KLHL26: variants seen among roughly 807,000 people sequenced by gnomAD.
KLHL26 encodes the protein kelch-like protein 26.
In KLHL26, 4 loss-of-function variants were observed where a neutral mutation model predicts 7.1. The ratio of observed to expected loss-of-function variants is 0.56; its 90% CI spans 0.28 to 1.28. The LOEUF (loss-of-function observed/expected upper bound fraction) is 1.28, where lower values mean the gene tolerates loss of function less well. Among genes scored for constraint, KLHL26 ranks in the 50% most tolerant of loss-of-function variants. The pLI is 0.11. For synonymous variants in KLHL26, 465 were observed against 414.1 expected (o/e 1.12, Z -1.49); for missense variants, 896 against 924.6 (o/e 0.97, Z 0.40).
chr19:18,640,664 G>A (rs1976698235), intron 1 of KLHL26, among the ~76,000 whole-genome samples: 1 of 145,184 alleles, frequency 6.9e-6, no homozygotes, highest in African/African-American at 2.6e-5. Flanking sequence ...TCAGCCTCCT[G>A]AGTAGCTGGG....
In KLHL26 at chr19:18,667,974, C is replaced by G. The variant is rs746898062; in HGVS notation, c.577C>G (p.Leu193Val). The G allele has an allele frequency of 3.7e-6, 6 of 1,608,676 alleles. No homozygotes were observed. The South Asian group carries it at 6.6e-5, about 18-fold the overall frequency. ...SVDAFTFRHFLQIAEEEDFLR... is the reference protein window; with the variant it reads ...SVDAFTFRHFVQIAEEEDFLR... Reference sequence around the variant, plus strand: ...GGATGCCTTCACCTTCCGGCACTTCCTGCAGATCGCCGAGGAGGAGGATTT... The same window carrying G: ...GGATGCCTTCACCTTCCGGCACTTCGTGCAGATCGCCGAGGAGGAGGATTT... The change falls in exon 3 of 3, where the codon CTG becomes GTG. Residue 193 changes from leucine (L) to valine (V), a missense_variant. Coordinates refer to ENST00000300976, the MANE Select transcript of KLHL26 (RefSeq NM_018316.3).
rs1286331224 is a variant in KLHL26, at chr19:18,664,742, C to T, written c.266+299C>T. On this transcript the variant is annotated intron_variant, in intron 2 of 2. Coordinates refer to ENST00000300976, the MANE Select transcript of KLHL26 (RefSeq NM_018316.3). ...GAGTACAGGCACCCGCCACCATGCC[C>T]AGCTAATTTTTTTTGTATTTTTTAG... Among the ~76,000 whole-genome samples, 11 of 151,670 alleles carry T rather than the reference C, an allele frequency of 7.3e-5. No individual in the cohort carries two copies. The East Asian group carries it at 2.2e-3, about 30-fold the overall frequency.
At position 18,669,302 on chromosome 19, in the gene KLHL26, G is replaced by A; in HGVS notation, c.*57G>A. On this transcript the variant is annotated 3_prime_UTR_variant, in exon 3 of 3. Transcript: ENST00000300976. ...GCATGTTGTCTCCAAGTGGGGCTTG[G>A]CGAATGCACGTCTGCCTGAGAACCC... 1.4e-6 allele frequency: 2 copies of A among 1,398,804 alleles called. No homozygotes were observed. Among genetic ancestry groups the A allele is most frequent in the Non-Finnish European group, 2.0e-6 (2 of 1,013,246 alleles). The allele number at this position is 1,398,804 out of a possible 1,614,324, so 86.6% of individuals were successfully genotyped here.
rs975693473 is a variant in KLHL26 at position 18,646,139 on chromosome 19, AT to A, written c.83+9010del. Among the ~76,000 whole-genome samples, 1 of 151,010 alleles carries A rather than the reference AT, an allele frequency of 6.6e-6. No homozygotes were observed. The highest frequency in any genetic ancestry group is 2.4e-5 in the African/African-American group (1 of 41,082). Reference sequence around the variant, plus strand: ...GCCCCTTTCTTTTTTATTATTATTAATTTTTTTTGACGTCACTCTGAGCTCA... The same window carrying A: ...GCCCCTTTCTTTTTTATTATTATTAATTTTTTTGACGTCACTCTGAGCTCA... On this transcript the variant is annotated intron_variant, in intron 1 of 2. Transcript: ENST00000300976. The surrounding 1 kb of genome is among the most constrained non-coding windows in gnomAD (Gnocchi z 5.0).
intron 1 of KLHL26, among the ~76,000 whole-genome samples, chr19:18,658,406 C>T (rs903426655): frequency 2.0e-5 from 3 of 151,952 alleles, no homozygotes; most frequent in African/African-American, 7.3e-5. Context: ...CTGTCACCCC[C>T]ACCCCTGCCA....
Position 18,668,173 on chromosome 19 carries a change from C to G in KLHL26, c.776C>G (p.Ser259Cys), listed in dbSNP as rs2052475429. Residue 259 changes from serine (S) to cysteine (C), a missense_variant, in exon 3 of 3, where the codon TCC becomes TGC. Transcript: ENST00000300976. ...CHIRFPLMQS[S>C]ELVDSVQTLD... ...ATTCGCTTCCCGCTCATGCAGTCGT[C>G]CGAGCTGGTGGACAGCGTGCAGACG... The G allele has an allele frequency of 1.2e-6, 2 of 1,610,168 alleles. No individual in the cohort carries two copies. The highest frequency in any genetic ancestry group is 2.7e-5 in the African/African-American group (2 of 75,040).
chr19:18,639,330 C>T (rs542472438), intron 1 of KLHL26, among the ~76,000 whole-genome samples: 24 of 151,890 alleles, frequency 1.6e-4, no homozygotes, highest in Admixed American at 1.4e-3. Context: ...CCCGCCTCGG[C>T]CTCCCAAAGT....
In KLHL26 at chr19:18,638,319, G is replaced by A. The variant is rs569117461; in HGVS notation, c.83+1182G>A. ...TTGGTACTGAATGGAACACGCATGG[G>A]ATGGGTGGGGAAGGGAGGAGGGATG... On this transcript the variant is annotated intron_variant, in intron 1 of 2. Coordinates refer to ENST00000300976, the MANE Select transcript of KLHL26 (RefSeq NM_018316.3). 1.1e-4 allele frequency among the ~76,000 whole-genome samples: 17 copies of A among 152,342 alleles called. No homozygotes were observed. In the South Asian group the frequency reaches 2.3e-3, roughly 20 times the overall value.
At chr19:18,654,985 T>G (rs1195443399) in intron 1 of KLHL26, among the ~76,000 whole-genome samples, 5 of 152,232 alleles carry the variant, frequency 3.3e-5, no homozygotes, top group Admixed American at 2.0e-4. Context: ...CTGCTCGGCT[T>G]CCATGGGGTT....
intron 1 of KLHL26, among the ~76,000 whole-genome samples, chr19:18,654,069 AG>A: frequency 8.8e-6 from 1 of 113,118 alleles, no homozygotes; most frequent in East Asian, 2.8e-4. Context: ...CCACCCATCC[AG>A]CCATCCACCC....
chr19:18,664,109 C>T (rs886939743), intron 1 of KLHL26, 152 bp from the exon 2 acceptor site: 80 of 508,668 alleles, frequency 1.6e-4, no homozygotes, highest in Non-Finnish European at 2.5e-5. Flanking sequence ...CTTCCTGTCT[C>T]TGCGGATTTG....
chr19:18,668,273 C>G lies in KLHL26; in HGVS notation c.876C>G (p.Phe292Leu), dbSNP rs772097133. ...CCTTCAACTACCAGGTGCTGCCCTT[C>G]CGGCAGCACGAGATGCAGTCTCCGC... ...LEAFNYQVLPFRQHEMQSPRT... is the reference protein window; with the variant it reads ...LEAFNYQVLPLRQHEMQSPRT... Residue 292 changes from phenylalanine (F) to leucine (L), a missense_variant, in exon 3 of 3, where the codon TTC (phenylalanine) becomes TTG (leucine). Coordinates refer to ENST00000300976, the MANE Select transcript of KLHL26 (RefSeq NM_018316.3). 7.4e-6 allele frequency: 12 copies of G among 1,611,984 alleles called. No homozygotes were observed. Among genetic ancestry groups the G allele is most frequent in the Admixed American group, 5.0e-5 (3 of 60,028 alleles).
rs558817307 is a variant in KLHL26 at position 18,650,473 on chromosome 19, G to A, written c.83+13336G>A. Among the ~76,000 whole-genome samples the A allele has an allele frequency of 1.4e-4, 21 of 152,306 alleles. No homozygotes were observed. The highest frequency in any genetic ancestry group is 9.8e-4 in the Admixed American group (15 of 15,300). ...TCCAGGACTGAAGTTCGAGTTGGAA[G>A]CACGCGTTCTCCTTGGTGAAGTCCG... is the stretch of plus-strand genomic sequence containing the variant. On this transcript the variant is annotated intron_variant, in intron 1 of 2. Transcript: ENST00000300976. The surrounding 1 kb of genome is among the most constrained non-coding windows in gnomAD (Gnocchi z 4.2).
chr19:18,656,834 A>G lies in KLHL26; in HGVS notation c.84-7427A>G, dbSNP rs945118045. On this transcript the variant is annotated intron_variant, in intron 1 of 2. Coordinates refer to ENST00000300976, the MANE Select transcript of KLHL26 (RefSeq NM_018316.3). The surrounding 1 kb of genome is among the most constrained non-coding windows in gnomAD (Gnocchi z 4.4). Reference sequence around the variant, plus strand: ...GCGGGAGTGGCGGGTTCCTGTTTGAAATGATTCGTGAAGATGTTGGAGAAA... The same window carrying G: ...GCGGGAGTGGCGGGTTCCTGTTTGAGATGATTCGTGAAGATGTTGGAGAAA... Among the ~76,000 whole-genome samples the G allele has an allele frequency of 2.0e-5, 3 of 152,120 alleles. No homozygotes were observed. The highest frequency in any genetic ancestry group is 4.4e-5 in the Non-Finnish European group (3 of 67,988).
In KLHL26 at chr19:18,664,340, A is replaced by G. The variant is rs2052423502; in HGVS notation, c.163A>G (p.Thr55Ala). Residue 55 changes from threonine (T) to alanine (A), a missense_variant, in exon 2 of 3, where the codon ACC (threonine) becomes GCC (alanine). By Grantham distance (58) the Thr-to-Ala change is moderately conservative (BLOSUM62 0). Coordinates refer to ENST00000300976, the MANE Select transcript of KLHL26 (RefSeq NM_018316.3). ...HSTSLLQGLA[T>A]LRAQGQLLDV... ...CACCAGCCTCCTGCAGGGCCTGGCC[A>G]CCCTCCGCGCTCAGGGCCAGCTCCT... 6.2e-7 allele frequency: 1 copy of G among 1,609,518 alleles called. No individual in the cohort carries two copies.
intron 1 of KLHL26, among the ~76,000 whole-genome samples, chr19:18,662,102 C>T (rs1334143904): frequency 6.6e-6 from 1 of 152,144 alleles, no homozygotes; most frequent in Non-Finnish European, 1.5e-5. Context: ...AAATATGCTC[C>T]TAAGGACTGA....
chr19:18,651,330 G>A (rs909697692), intron 1 of KLHL26, among the ~76,000 whole-genome samples: 3 of 152,170 alleles, frequency 2.0e-5, no homozygotes, highest in Non-Finnish European at 4.4e-5. Flanking sequence ...TGGATCAGAA[G>A]GGCCAAGTCC....
At chr19:18,659,231 C>G (rs894333692) in intron 1 of KLHL26, among the ~76,000 whole-genome samples, 1 of 152,194 alleles carries the variant, frequency 6.6e-6, no homozygotes, top group Non-Finnish European at 1.5e-5. Context: ...AGACAAGGCT[C>G]TCAGGATGGT....
intron 1 of KLHL26, among the ~76,000 whole-genome samples, chr19:18,663,580 C>A (rs972199291): frequency 1.3e-5 from 2 of 152,102 alleles, no homozygotes; most frequent in African/African-American, 4.8e-5. Context: ...CAGAGGCCAC[C>A]AGGACAGAGC....
Sources: gnomAD v4.1 joint callset for allele counts (sites outside exome capture counted in the v4.1 genomes callset) on GRCh38, gnomAD v4.1.1 for gene constraint, Gnocchi (gnomAD v3.1) non-coding constraint, MANE v1.5 for transcripts, NCBI Gene and HGNC (gene_info 2026-07-23, HGNC 2026-07-21) for gene names.